The following DDX10 variants were observed in gnomAD, a reference collection of about 807,000 sequenced individuals.
DDX10 encodes the protein probable ATP-dependent RNA helicase DDX10.
In DDX10, 74 loss-of-function variants were observed where a neutral mutation model predicts 104.3. The ratio of observed to expected loss-of-function variants is 0.71; its 90% confidence interval spans 0.59 to 0.86. DDX10 has a LOEUF of 0.86. Among genes scored for constraint, DDX10 ranks in the 40% least tolerant of loss-of-function variants. The probability of loss-of-function intolerance (pLI) is 0.00; values close to 1 mark genes in which losing one functional copy is unlikely to be tolerated. For synonymous variants in DDX10, 351 were observed against 353.4 expected (o/e 0.99, Z 0.08); for missense variants, 952 against 1,040.0 (o/e 0.92, Z 1.16).
chr11:108,838,090 G>C lies in DDX10; in HGVS notation c.1966-356G>C, dbSNP rs1862581994. On this transcript the variant is annotated intron_variant, in intron 13 of 17. Transcript: ENST00000322536. ...TTAAGTTTGCAACTGCACATTTTAA[G>C]ATATGTATGAAATTTTGACTGGAAG... Among the ~76,000 whole-genome samples, 4 of 152,054 alleles carry C rather than the reference G, an allele frequency of 2.6e-5. No individual in the cohort carries two copies. In the South Asian group the frequency reaches 8.3e-4, roughly 31 times the overall value.
At chr11:108,939,084 C>G (rs752033955) in intron 17 of DDX10, among the ~76,000 whole-genome samples, 1 of 152,160 alleles carries the variant, frequency 6.6e-6, no homozygotes, top group Admixed American at 6.5e-5. Flanking sequence ...TCTCATTTAT[C>G]TAAGTTCATT....
At chr11:108,909,881 G>A (rs1047034644) in intron 16 of DDX10, among the ~76,000 whole-genome samples, 3 of 152,290 alleles carry the variant, frequency 2.0e-5, no homozygotes, top group African/African-American at 4.8e-5. Context: ...TAGCATGCAC[G>A]AAGACTTGAG....
In DDX10 at chr11:108,881,502, G is replaced by A. The variant is rs908044750; in HGVS notation, c.2304+29293G>A. Among the ~76,000 whole-genome samples the A allele has an allele frequency of 4.6e-5, 7 of 152,104 alleles. No individual in the cohort carries two copies. In the South Asian group the frequency reaches 1.5e-3, roughly 32 times the overall value. On this transcript the variant is annotated intron_variant, in intron 16 of 17. Coordinates refer to ENST00000322536, the MANE Select transcript of DDX10 (RefSeq NM_004398.4). ...ATAGATGGTTCCCAACTTAAAGATG[G>A]TTTGACTTAGAATTTTCTGACTTTA...
chr11:108,809,720 C>T (rs1434890037), intron 13 of DDX10, among the ~76,000 whole-genome samples: 1 of 152,154 alleles, frequency 6.6e-6, no homozygotes, highest in Non-Finnish European at 1.5e-5. Flanking sequence ...CATGTATCCT[C>T]CACAGTATTA....
chr11:108,910,650 T>C (rs567744259), intron 16 of DDX10, among the ~76,000 whole-genome samples: 2 of 152,248 alleles, frequency 1.3e-5, no homozygotes, highest in South Asian at 2.1e-4. Flanking sequence ...CTGCCAGTTA[T>C]AGAGGTGACA....
At chr11:108,847,596 T>C (rs1002231417) in intron 15 of DDX10, among the ~76,000 whole-genome samples, 1 of 152,210 alleles carries the variant, frequency 6.6e-6, no homozygotes, top group Non-Finnish European at 1.5e-5. Flanking sequence ...AGGAAGACTT[T>C]AGAAAATCTA....
intron 16 of DDX10, among the ~76,000 whole-genome samples, chr11:108,910,306 G>A (rs1280425354): frequency 6.6e-6 from 1 of 152,180 alleles, no homozygotes; most frequent in African/African-American, 2.4e-5. Context: ...TATGACCTTG[G>A]TAAGTAATTT....
At chr11:108,850,563 G>A (rs1862777371) in intron 15 of DDX10, among the ~76,000 whole-genome samples, 1 of 152,034 alleles carries the variant, frequency 6.6e-6, no homozygotes, top group Non-Finnish European at 1.5e-5. Context: ...TGTTTCTTCT[G>A]CACAGAAGAC....
chr11:108,719,939 A>T (rs2094296259), intron 12 of DDX10, 54 bp downstream of exon 12: 3 of 1,108,344 alleles, frequency 2.7e-6, no homozygotes, highest in Non-Finnish European at 4.1e-6. Context: ...AGAGGGAATT[A>T]ATTAATTAAT....
At chr11:108,787,992 C>T (rs564033564) in intron 13 of DDX10, among the ~76,000 whole-genome samples, 1 of 152,328 alleles carries the variant, frequency 6.6e-6, no homozygotes, top group Non-Finnish European at 1.5e-5. Context: ...CTTCCAGAAG[C>T]TCAGTTTGGT....
chr11:108,804,226 G>A (rs1482091748), intron 13 of DDX10, among the ~76,000 whole-genome samples: 1 of 152,152 alleles, frequency 6.6e-6, no homozygotes, highest in East Asian at 1.9e-4. Flanking sequence ...GGCCAGGCAT[G>A]TTGGCTGGTG....
chr11:108,940,704 T>C lies in DDX10; in HGVS notation c.*281T>C. The C allele has an allele frequency of 3.5e-6, 1 of 285,570 alleles. No homozygotes were observed. The highest frequency in any genetic ancestry group is 6.6e-6 in the Non-Finnish European group (1 of 151,840). The allele number at this position is 285,570 out of a possible 1,614,324, so 17.7% of individuals were successfully genotyped here. On this transcript the variant is annotated 3_prime_UTR_variant, in exon 18 of 18. Coordinates refer to ENST00000322536, the MANE Select transcript of DDX10 (RefSeq NM_004398.4). ...ATCCATGGGTTCCTACGCCTTGTCATTGGAAACACTGCCTTTGTCTTACTG... is the reference window on the plus strand; with the variant it reads ...ATCCATGGGTTCCTACGCCTTGTCACTGGAAACACTGCCTTTGTCTTACTG...
At chr11:108,719,967 C>A in intron 12 of DDX10, 82 bp downstream of exon 12, 2 of 887,816 alleles carry the variant, frequency 2.3e-6, no homozygotes, top group Non-Finnish European at 3.7e-6. Context: ...TGGGGTCTTG[C>A]TATGTTGCCC....
At chr11:108,924,130 GGATGTTCCA>G (rs1262189436) in intron 17 of DDX10, among the ~76,000 whole-genome samples, 1 of 151,780 alleles carries the variant, frequency 6.6e-6, no homozygotes, top group African/African-American at 2.4e-5. Flanking sequence ...AGAAACAGCC[GGATGTTCCA>G]GATGTTCATT....
In DDX10 at chr11:108,869,309, G is replaced by A. The variant is rs557692206; in HGVS notation, c.2304+17100G>A. 2.1e-4 allele frequency among the ~76,000 whole-genome samples: 32 copies of A among 151,870 alleles called. 1 individual carries two copies. Among genetic ancestry groups the A allele is most frequent in the Admixed American group, 1.2e-3 (19 of 15,232 alleles). ...TTATGCTCTGTCATGGCTTATGCTCGTTTTCATCACTCATCTTCTCTTTGA... is the reference window on the plus strand; with the variant it reads ...TTATGCTCTGTCATGGCTTATGCTCATTTTCATCACTCATCTTCTCTTTGA... On this transcript the variant is annotated intron_variant, in intron 16 of 17. Transcript: ENST00000322536.
At chr11:108,806,165 G>C (rs1862097460) in intron 13 of DDX10, among the ~76,000 whole-genome samples, 1 of 152,110 alleles carries the variant, frequency 6.6e-6, no homozygotes, top group Non-Finnish European at 1.5e-5. Flanking sequence ...GTCTCTCCAT[G>C]TTGGCTAGGC....
At chr11:108,728,471 C>T (rs150748524) in intron 13 of DDX10, among the ~76,000 whole-genome samples, 53 of 127,548 alleles carry the variant, frequency 4.2e-4, no homozygotes, top group African/African-American at 1.8e-3. Flanking sequence ...TAACAACTGT[C>T]TTTGTTTTTT....
chr11:108,699,657 C>T (rs1352040982), intron 9 of DDX10, among the ~76,000 whole-genome samples: 3 of 152,158 alleles, frequency 2.0e-5, no homozygotes, highest in Non-Finnish European at 2.9e-5. Context: ...CTGTAACATC[C>T]TGGGGTTGCA....
At chr11:108,865,312 A>G (rs980230536) in intron 16 of DDX10, among the ~76,000 whole-genome samples, 13 of 152,158 alleles carry the variant, frequency 8.5e-5, no homozygotes, top group African/African-American at 3.1e-4. Context: ...AGTGTCCAGG[A>G]CTATATATCC....
Sources: gnomAD v4.1 joint callset for allele counts (sites outside exome capture counted in the v4.1 genomes callset) on GRCh38, gnomAD v4.1.1 for gene constraint, MANE v1.5 for transcripts, NCBI Gene and HGNC (gene_info 2026-07-23, HGNC 2026-07-21) for gene names.